CTNNA2: variants seen among roughly 807,000 people sequenced by gnomAD.
CTNNA2 encodes the protein catenin alpha-2.
Under a neutral mutation model 101.0 loss-of-function variants are expected in CTNNA2, and 42 were observed. The observed-to-expected ratio is 0.42, with a 90% confidence interval of 0.32 to 0.54. The LOEUF (loss-of-function observed/expected upper bound fraction) is 0.54. CTNNA2 is among the 20% of genes least tolerant of loss of function. The pLI, the probability that CTNNA2 is intolerant of heterozygous loss-of-function variation, is 0.14. For synonymous variants in CTNNA2, 450 were observed against 456.4 expected (o/e 0.99, Z 0.18); for missense variants, 871 against 1,223.1 (o/e 0.71, Z 4.29).
At chr2:79,405,951 A>G (rs1678336410) in intron 4 of CTNNA2, among the ~76,000 whole-genome samples, 2 of 152,010 alleles carry the variant, frequency 1.3e-5, no homozygotes, top group African/African-American at 4.8e-5. Flanking sequence ...ATAGAGGATT[A>G]CTCCTCAGAA....
In CTNNA2 at chr2:79,941,143, T is replaced by G. The variant is rs547758443; in HGVS notation, c.1056+31346T>G. 6.6e-5 allele frequency among the ~76,000 whole-genome samples: 10 copies of G among 152,344 alleles called. No homozygotes were observed. The South Asian group carries it at 2.1e-3, about 32-fold the overall frequency. On this transcript the variant is annotated intron_variant, in intron 7 of 18. Transcript: ENST00000402739. ...CAGCATTGCTCTCGTGTTTGACTTT[T>G]ATTCCCATGTTCTTTTGCACCATTA...
chr2:80,458,494 A>T (rs1443442807), intron 9 of CTNNA2, among the ~76,000 whole-genome samples: 1 of 152,222 alleles, frequency 6.6e-6, no homozygotes, highest in African/African-American at 2.4e-5. Context: ...ACATACTACA[A>T]AATACGTATT....
chr2:80,002,709 G>C (rs912287293), intron 7 of CTNNA2, among the ~76,000 whole-genome samples: 4 of 152,034 alleles, frequency 2.6e-5, no homozygotes, highest in Admixed American at 1.3e-4. Context: ...TCACTTAATA[G>C]CAGCTGTGCT....
intron 4 of CTNNA2, among the ~76,000 whole-genome samples, chr2:79,424,837 A>G (rs1323482795): frequency 2.0e-5 from 3 of 152,188 alleles, no homozygotes; most frequent in Non-Finnish European, 4.4e-5. Flanking sequence ...CTAATTAGGC[A>G]TGTCTAGTGG....
At chr2:79,596,798 C>T (rs1264089138) in intron 1 of CTNNA2, among the ~76,000 whole-genome samples, 1 of 152,224 alleles carries the variant, frequency 6.6e-6, no homozygotes, top group Non-Finnish European at 1.5e-5. Context: ...GTATGGAAAA[C>T]ATCTTTGACC....
intron 3 of CTNNA2, among the ~76,000 whole-genome samples, chr2:79,330,890 C>T (rs1426085927): frequency 6.6e-6 from 1 of 152,140 alleles, no homozygotes; most frequent in Admixed American, 6.6e-5. Flanking sequence ...TCTTTATTAA[C>T]ATTGTGAGAA....
intron 3 of CTNNA2, among the ~76,000 whole-genome samples, chr2:79,835,598 G>T (rs532968593): frequency 6.7e-6 from 1 of 148,736 alleles, no homozygotes; most frequent in East Asian, 2.1e-4. Context: ...CCTTGAGAGA[G>T]TGAGGCCATT....
Position 79,998,979 on chromosome 2 carries a change from A to G in CTNNA2, c.1056+89182A>G, listed in dbSNP as rs532235959. On this transcript the variant is annotated intron_variant, in intron 7 of 18. Transcript: ENST00000402739. ...CCATAGGGTACATACTCACTAGGACATTAGGGATTGAAGACAATAGAAGTC... is the reference window on the plus strand; with the variant it reads ...CCATAGGGTACATACTCACTAGGACGTTAGGGATTGAAGACAATAGAAGTC... 4.6e-5 allele frequency among the ~76,000 whole-genome samples: 7 copies of G among 152,284 alleles called. No individual in the cohort carries two copies. In the South Asian group the frequency reaches 1.2e-3, roughly 27 times the overall value.
At chr2:79,564,884 T>C (rs1459439515) in intron 1 of CTNNA2, among the ~76,000 whole-genome samples, 3 of 152,190 alleles carry the variant, frequency 2.0e-5, no homozygotes, top group Non-Finnish European at 4.4e-5. Context: ...CTTCAGTCCT[T>C]TCATATATTT....
intron 7 of CTNNA2, among the ~76,000 whole-genome samples, chr2:80,006,502 T>C (rs1487170184): frequency 6.6e-6 from 1 of 152,132 alleles, no homozygotes; most frequent in African/African-American, 2.4e-5. Context: ...ATGGCACTTA[T>C]GGAGACCAGG....
At chr2:80,097,752 C>T (rs1700250253) in intron 7 of CTNNA2, among the ~76,000 whole-genome samples, 1 of 152,130 alleles carries the variant, frequency 6.6e-6, no homozygotes, top group Admixed American at 6.5e-5. Flanking sequence ...TCATTTCATT[C>T]ATTTCGTCTT....
intron 9 of CTNNA2, among the ~76,000 whole-genome samples, chr2:80,436,536 A>G (rs915094423): frequency 3.3e-5 from 5 of 152,162 alleles, no homozygotes; most frequent in South Asian, 4.1e-4. Flanking sequence ...AGCCGCTGCT[A>G]TGGTCTCAAT....
chr2:79,759,394 AGATAAT>A (rs145111103), intron 3 of CTNNA2, among the ~76,000 whole-genome samples: 62,533 of 151,592 alleles, frequency 0.41, 13,922 homozygotes, highest in East Asian at 0.78. Context: ...TCCATCTCAA[AGATAAT>A]AATAATAATA....
chr2:80,147,106 C>T (rs980417212), intron 7 of CTNNA2, among the ~76,000 whole-genome samples: 8 of 151,956 alleles, frequency 5.3e-5, no homozygotes, highest in African/African-American at 1.5e-4. Context: ...GCTGGGATTA[C>T]AGGCACACAC....
intron 3 of CTNNA2, among the ~76,000 whole-genome samples, chr2:79,771,932 G>A (rs564729703): frequency 9.2e-5 from 14 of 152,144 alleles, no homozygotes; most frequent in South Asian, 8.3e-4. Flanking sequence ...TAAAAATCCC[G>A]TGTTAAAGAT....
At chr2:79,408,645 A>T (rs529461490) in intron 4 of CTNNA2, among the ~76,000 whole-genome samples, 158 of 150,236 alleles carry the variant, frequency 1.1e-3, no homozygotes, top group Admixed American at 2.7e-3. Context: ...CATCATTTTT[A>T]TGCATAGTAT....
chr2:79,949,733 A>C (rs1688750730), intron 7 of CTNNA2, among the ~76,000 whole-genome samples: 1 of 152,170 alleles, frequency 6.6e-6, no homozygotes, highest in African/African-American at 2.4e-5. Flanking sequence ...ACCCATGATC[A>C]CACCACTGCC....
intron 7 of CTNNA2, among the ~76,000 whole-genome samples, chr2:80,106,645 C>T (rs1029563283): frequency 7.9e-5 from 12 of 152,076 alleles, no homozygotes; most frequent in Non-Finnish European, 1.3e-4. Flanking sequence ...TTCAAGGCCT[C>T]GTGCATTCCA....
At chr2:79,784,935 A>G (rs1674724229) in intron 3 of CTNNA2, among the ~76,000 whole-genome samples, 1 of 152,150 alleles carries the variant, frequency 6.6e-6, no homozygotes, top group African/African-American at 2.4e-5. Context: ...ACTGGGAGGC[A>G]TTGTATGGGA....
Sources: allele counts gnomAD v4.1 joint callset (sites outside exome capture counted in the v4.1 genomes callset), GRCh38; gene constraint gnomAD v4.1.1; transcripts MANE v1.5; gene names NCBI Gene and HGNC (gene_info 2026-07-23, HGNC 2026-07-21).